SLC38A9: variants seen among roughly 807,000 people sequenced by gnomAD.
The protein encoded by SLC38A9 is solute carrier family 38 member 9.
SLC38A9 carries 48 observed loss-of-function variants against 62.3 expected under a neutral mutation model. The ratio of observed to expected loss-of-function variants is 0.77; its 90% CI spans 0.61 to 0.98. The LOEUF (loss-of-function observed/expected upper bound fraction) is 0.98. Ranked by LOEUF, SLC38A9 falls within the 50% of genes least tolerant of loss-of-function variation. The pLI is 0.00. For synonymous variants in SLC38A9, 204 were observed against 227.7 expected (o/e 0.90, Z 0.94); for missense variants, 541 against 679.8 (o/e 0.80, Z 2.27).
At position 55,669,593 on chromosome 5, in the gene SLC38A9, T is replaced by C; in HGVS notation, c.396A>G (p.Gly132=). Residue 132 remains glycine (G), a synonymous_variant, in exon 6 of 16, where the codon GGA becomes GGG. Transcript: ENST00000396865. ...CCCAAGGAATGCTTAGTATAGATGT[T>C]CCCATCATGGTATTCCAAATCATAA... ...TIFMIWNTMM[G]TSILSIPWGI... The C allele has an allele frequency of 1.2e-6, 2 of 1,610,162 alleles. No individual in the cohort carries two copies.
chr5:55,697,480 A>AC (rs2150621668), intron 3 of SLC38A9, among the ~76,000 whole-genome samples: 1 of 152,230 alleles, frequency 6.6e-6, no homozygotes, highest in Non-Finnish European at 1.5e-5. Context: ...CTGAAATTTT[A>AC]CCTCAATGAA....
intron 2 of SLC38A9, among the ~76,000 whole-genome samples, chr5:55,706,426 A>G (rs1757308320): frequency 6.6e-6 from 1 of 152,248 alleles, no homozygotes; most frequent in Non-Finnish European, 1.5e-5. Context: ...TGAAGAAACC[A>G]GGAAAGAGGA....
At chr5:55,666,644 G>A (rs947745837) in intron 7 of SLC38A9, among the ~76,000 whole-genome samples, 37 of 152,196 alleles carry the variant, frequency 2.4e-4, no homozygotes, top group African/African-American at 8.7e-4. Flanking sequence ...TGTAATCCCA[G>A]CACTTCGGGA....
At chr5:55,686,054 C>G (rs1055758957) in intron 3 of SLC38A9, among the ~76,000 whole-genome samples, 4 of 152,094 alleles carry the variant, frequency 2.6e-5, no homozygotes, top group Non-Finnish European at 5.9e-5. Context: ...GATTCCATGT[C>G]TTTGCTATTG....
At chr5:55,631,732 CTGAT>C (rs1387098550) in intron 14 of SLC38A9, among the ~76,000 whole-genome samples, 2 of 152,130 alleles carry the variant, frequency 1.3e-5, no homozygotes, top group South Asian at 2.1e-4. Flanking sequence ...TAAACAAGAA[CTGAT>C]TAAGACCACT....
chr5:55,628,516 C>T (rs949568757), intron 14 of SLC38A9, among the ~76,000 whole-genome samples: 2 of 152,096 alleles, frequency 1.3e-5, no homozygotes, highest in Non-Finnish European at 2.9e-5. Flanking sequence ...AGGATATACA[C>T]TGAGAAGGCA....
chr5:55,639,144 A>G (rs568029227), intron 12 of SLC38A9, among the ~76,000 whole-genome samples: 1 of 152,190 alleles, frequency 6.6e-6, no homozygotes, highest in East Asian at 1.9e-4. Flanking sequence ...GTGGTGGTAC[A>G]TGCCTGTTAT....
intron 15 of SLC38A9, among the ~76,000 whole-genome samples, chr5:55,627,408 A>C (rs369728334): frequency 0.018 from 1,808 of 102,440 alleles, 29 homozygotes; most frequent in African/African-American, 0.047. Context: ...TTTTAGGAAA[A>C]GGATATTAAA....
At chr5:55,638,577 T>C (rs1018105084) in intron 12 of SLC38A9, among the ~76,000 whole-genome samples, 3 of 152,080 alleles carry the variant, frequency 2.0e-5, no homozygotes, top group African/African-American at 7.2e-5. Context: ...AGAAGTAGGT[T>C]TGGGAACACA....
chr5:55,653,852 T>C (rs1747953048), intron 9 of SLC38A9, among the ~76,000 whole-genome samples: 1 of 152,138 alleles, frequency 6.6e-6, no homozygotes, highest in Non-Finnish European at 1.5e-5. Context: ...AGAGACGGGG[T>C]TTCACCATGC....
At chr5:55,684,742 C>G (rs944528877) in intron 3 of SLC38A9, among the ~76,000 whole-genome samples, 6 of 152,184 alleles carry the variant, frequency 3.9e-5, no homozygotes, top group African/African-American at 1.4e-4. Flanking sequence ...CAGTCTCTAC[C>G]TCCTGGGTTC....
At chr5:55,659,775 A>T (rs1211629241) in intron 8 of SLC38A9, among the ~76,000 whole-genome samples, 4 of 146,848 alleles carry the variant, frequency 2.7e-5, no homozygotes, top group Non-Finnish European at 6.0e-5. Flanking sequence ...TTATTTATTT[A>T]TTTTTTTTGA....
Position 55,626,568 on chromosome 5 carries a change from A to G in SLC38A9, c.1612T>C (p.Trp538Arg), listed in dbSNP as rs1580036103. ...ISLHQEERLT[W>R]PKLIFHVFII... Reference sequence around the variant, plus strand: ...AAAACGTGGAAGATTAATTTAGGCCATGTCAGACGCTCTTCTTGGTGGAGG... The same window carrying G: ...AAAACGTGGAAGATTAATTTAGGCCGTGTCAGACGCTCTTCTTGGTGGAGG... The change falls in exon 16 of 16, where the codon TGG (tryptophan) becomes CGG (arginine). Residue 538 changes from tryptophan to arginine, a missense_variant. By Grantham distance (101) the Trp-to-Arg change is moderately radical. Transcript: ENST00000396865. 6.2e-7 allele frequency: 1 copy of G among 1,613,890 alleles called. No individual in the cohort carries two copies. Among genetic ancestry groups the G allele is most frequent in the Non-Finnish European group, 8.5e-7 (1 of 1,179,900 alleles).
chr5:55,686,085 G>A (rs114220145), intron 3 of SLC38A9, among the ~76,000 whole-genome samples: 1,630 of 152,202 alleles, frequency 0.011, 25 homozygotes, highest in African/African-American at 0.038. Flanking sequence ...TGCAGTGAAC[G>A]TATGTGTACA....
intron 2 of SLC38A9, among the ~76,000 whole-genome samples, chr5:55,698,404 T>G (rs1433837743): frequency 6.6e-6 from 1 of 152,232 alleles, no homozygotes; most frequent in Admixed American, 6.5e-5. Context: ...GGAGGGTATT[T>G]GCTGTACCAG....
chr5:55,642,701 C>A (rs925903662), intron 12 of SLC38A9, among the ~76,000 whole-genome samples: 15 of 151,992 alleles, frequency 9.9e-5, no homozygotes, highest in African/African-American at 3.1e-4. Flanking sequence ...ACATCACAAC[C>A]CTGATAGGTA....
chr5:55,646,567 T>A (rs10940475), intron 11 of SLC38A9, among the ~76,000 whole-genome samples: 90,452 of 151,996 alleles, frequency 0.6, 27,584 homozygotes, highest in South Asian at 0.7. Flanking sequence ...GTCATTTAAC[T>A]TTCTTCACTG....
At chr5:55,643,460 A>C (rs1378968027) in intron 12 of SLC38A9, among the ~76,000 whole-genome samples, 1 of 152,214 alleles carries the variant, frequency 6.6e-6, no homozygotes, top group Non-Finnish European at 1.5e-5. Context: ...CATATGGTCT[A>C]TCTTGGAAAA....
Position 55,677,926 on chromosome 5 carries a change from T to TTGTGTGTGTGTGTGTG in SLC38A9, c.114-5247_114-5232dup, listed in dbSNP as rs10682261. On this transcript the variant is annotated intron_variant, in intron 3 of 15. Transcript: ENST00000396865. ...TAAATCAATACTTTTTTTTTCTTTATTGTGTGTGTGTGTGTGTGTGTGTGT... is the reference window on the plus strand; with the variant it reads ...TAAATCAATACTTTTTTTTTCTTTATTGTGTGTGTGTGTGTGTGTGTGTGTGTGTGTGTGTGTGTGT... Among the ~76,000 whole-genome samples the TTGTGTGTGTGTGTGTG allele has an allele frequency of 2.4e-3, 271 of 112,154 alleles. 5 individuals are homozygous for TTGTGTGTGTGTGTGTG. Among genetic ancestry groups the TTGTGTGTGTGTGTGTG allele is most frequent in the East Asian group, 0.016 (58 of 3,612 alleles). The allele number at this position is 112,154 out of a possible 152,430, so 73.6% of individuals were successfully genotyped here.
Sources: gnomAD v4.1 joint callset for allele counts (sites outside exome capture counted in the v4.1 genomes callset) on GRCh38, gnomAD v4.1.1 for gene constraint, MANE v1.5 for transcripts, NCBI Gene and HGNC (gene_info 2026-07-23, HGNC 2026-07-21) for gene names.